The following KSR2 variants were observed in gnomAD, a reference collection of about 807,000 sequenced individuals.
The protein encoded by KSR2 is kinase suppressor of ras 2.
KSR2 carries 25 observed loss-of-function variants against 107.8 expected under a neutral mutation model. The observed-to-expected ratio is 0.23, with a 90% CI of 0.17 to 0.32. KSR2 has a LOEUF of 0.32. Among genes scored for constraint, KSR2 ranks in the 10% least tolerant of loss-of-function variants. The pLI is 1.00. For missense variants in KSR2, 887 were observed against 1,268.9 expected (o/e 0.70, Z 4.57); for synonymous variants, 480 against 507.0 (o/e 0.95, Z 0.71).
chr12:117,953,451 A>G (rs1444433000), intron 1 of KSR2, among the ~76,000 whole-genome samples: 1 of 152,252 alleles, frequency 6.6e-6, no homozygotes, highest in Non-Finnish European at 1.5e-5. Flanking sequence ...TGATAGATGA[A>G]TACACAAATG....
chr12:117,627,886 G>A (rs1882606180), intron 5 of KSR2, among the ~76,000 whole-genome samples: 1 of 152,096 alleles, frequency 6.6e-6, no homozygotes, highest in Non-Finnish European at 1.5e-5. Flanking sequence ...ATTTCTTGGA[G>A]GCTTTGTTCA....
intron 1 of KSR2, among the ~76,000 whole-genome samples, chr12:117,932,079 G>C (rs899012136): frequency 7.2e-5 from 11 of 152,002 alleles, no homozygotes; most frequent in African/African-American, 2.7e-4. Context: ...CTGAGGTCAG[G>C]AGTTTGAGAC....
intron 10 of KSR2, among the ~76,000 whole-genome samples, chr12:117,536,527 G>A (rs933114724): frequency 2.0e-5 from 3 of 152,148 alleles, no homozygotes; most frequent in Non-Finnish European, 4.4e-5. Context: ...CTGCCATGAA[G>A]TTCTTCTAGA....
chr12:117,912,198 T>C (rs903265195), intron 1 of KSR2, among the ~76,000 whole-genome samples: 2 of 152,214 alleles, frequency 1.3e-5, no homozygotes, highest in Admixed American at 6.5e-5. Context: ...GTACTAAATA[T>C]GAAAACCAAG....
intron 4 of KSR2, among the ~76,000 whole-genome samples, chr12:117,747,942 C>T (rs978175682): frequency 2.0e-5 from 3 of 152,138 alleles, no homozygotes; most frequent in African/African-American, 7.2e-5. Flanking sequence ...TCAGAAATCC[C>T]ACTACTACAT....
At chr12:117,894,092 G>A (rs975285507) in intron 1 of KSR2, among the ~76,000 whole-genome samples, 1 of 152,050 alleles carries the variant, frequency 6.6e-6, no homozygotes, top group Non-Finnish European at 1.5e-5. Context: ...TGTATATTTA[G>A]TAGAGATGGG....
intron 4 of KSR2, among the ~76,000 whole-genome samples, chr12:117,701,787 A>C (rs547698401): frequency 6.6e-6 from 1 of 152,314 alleles, no homozygotes; most frequent in East Asian, 1.9e-4. Context: ...TTCAGCCACA[A>C]GCCAAGGAAT....
chr12:117,712,695 A>C (rs1188905167), intron 4 of KSR2, among the ~76,000 whole-genome samples: 1 of 152,154 alleles, frequency 6.6e-6, no homozygotes, highest in Non-Finnish European at 1.5e-5. Context: ...TTCAACATCA[A>C]CTTCTGCCAG....
At chr12:117,700,163 C>G (rs1439026888) in intron 4 of KSR2, among the ~76,000 whole-genome samples, 1 of 151,974 alleles carries the variant, frequency 6.6e-6, no homozygotes, top group East Asian at 1.9e-4. Flanking sequence ...TATAATCTTA[C>G]AGGACCACCA....
intron 1 of KSR2, among the ~76,000 whole-genome samples, chr12:117,892,162 G>A (rs1162457958): frequency 1.3e-5 from 2 of 152,012 alleles, no homozygotes; most frequent in Non-Finnish European, 2.9e-5. Flanking sequence ...AATTAGCTGG[G>A]TGTGATGGTG....
chr12:117,795,442 G>A (rs1219366066), intron 3 of KSR2, among the ~76,000 whole-genome samples: 2 of 152,148 alleles, frequency 1.3e-5, no homozygotes, highest in Admixed American at 1.3e-4. Context: ...AATGCCAGAA[G>A]AGCACAAGAT....
intron 4 of KSR2, among the ~76,000 whole-genome samples, chr12:117,705,487 C>T (rs1886487937): frequency 2.0e-5 from 3 of 152,310 alleles, no homozygotes; most frequent in East Asian, 1.9e-4. Context: ...TGATTGGGCC[C>T]CCAAGGGACA....
intron 14 of KSR2, among the ~76,000 whole-genome samples, chr12:117,515,218 G>C (rs1451785734): frequency 6.6e-6 from 1 of 152,186 alleles, no homozygotes; most frequent in Non-Finnish European, 1.5e-5. Context: ...TTACTGCACT[G>C]TTATAACTTA....
At position 117,741,871 on chromosome 12, in the gene KSR2, CAT is replaced by C. The variant is rs200683746; in HGVS notation, c.986+19138_986+19139del. On this transcript the variant is annotated intron_variant, in intron 4 of 19. Coordinates refer to ENST00000339824, the MANE Select transcript of KSR2 (RefSeq NM_173598.6). ...AGAATCATCAGTGGATGCTAAAACT[CAT>C]AGTGAAATTTTGAGGAGTAACAGAA... is the stretch of plus-strand genomic sequence containing the variant. Among the ~76,000 whole-genome samples the C allele has an allele frequency of 4.4e-3, 664 of 152,276 alleles. 4 individuals are homozygous for C. Among genetic ancestry groups the C allele is most frequent in the African/African-American group, 0.015 (607 of 41,540 alleles).
At chr12:117,755,131 C>T (rs1208373383) in intron 4 of KSR2, among the ~76,000 whole-genome samples, 2 of 152,200 alleles carry the variant, frequency 1.3e-5, no homozygotes, top group African/African-American at 4.8e-5. Flanking sequence ...AGGGCAAAGG[C>T]TTCTCAAACC....
intron 1 of KSR2, among the ~76,000 whole-genome samples, chr12:117,904,389 C>CA (rs1325719221): frequency 2.0e-5 from 3 of 152,190 alleles, no homozygotes; most frequent in African/African-American, 7.2e-5. Flanking sequence ...CTCAGCCAAC[C>CA]AGGTGGAGAT....
chr12:117,793,492 T>C (rs1890376837), intron 3 of KSR2, among the ~76,000 whole-genome samples: 1 of 129,000 alleles, frequency 7.8e-6, no homozygotes, highest in Non-Finnish European at 1.6e-5. Context: ...CACATCAACA[T>C]GCACACACCC....
intron 16 of KSR2, among the ~76,000 whole-genome samples, chr12:117,479,610 A>C (rs184144747): frequency 1.3e-3 from 195 of 152,340 alleles, no homozygotes; most frequent in African/African-American, 4.5e-3. Flanking sequence ...CTGGAGGGGA[A>C]AAATGGCCCT....
chr12:117,536,577 A>T (rs1220621157), intron 10 of KSR2, among the ~76,000 whole-genome samples: 1 of 152,242 alleles, frequency 6.6e-6, no homozygotes, highest in Non-Finnish European at 1.5e-5. Flanking sequence ...GCACACTGGT[A>T]CACAGACATA....
Sources: allele counts gnomAD v4.1 joint callset (sites outside exome capture counted in the v4.1 genomes callset), GRCh38; gene constraint gnomAD v4.1.1; transcripts MANE v1.5; gene names NCBI Gene and HGNC (gene_info 2026-07-23, HGNC 2026-07-21).